MTERF4: variants seen among roughly 807,000 people sequenced by gnomAD.
MTERF4 encodes the protein mitochondrial transcription termination factor 4.
A neutral mutation model predicts 22.5 loss-of-function variants in MTERF4; 17 were observed. The observed-to-expected ratio is 0.75, with a 90% CI of 0.52 to 1.13. MTERF4 has a LOEUF of 1.13. MTERF4 is among the 50% of genes most tolerant of loss of function. MTERF4 has a pLI of 0.00. For synonymous variants in MTERF4, 165 were observed against 175.3 expected (o/e 0.94, Z 0.47); for missense variants, 420 against 466.8 (o/e 0.90, Z 0.92).
At chr2:241,056,739 C>T in the MTERF4 span, among the ~76,000 whole-genome samples, 32 of 151,882 alleles carry the variant, frequency 2.1e-4, no homozygotes, top group Non-Finnish European at 8.8e-5. Flanking sequence ...CATCACCACG[C>T]CCGGCTAATT....
intron 4 of MTERF4, among the ~76,000 whole-genome samples, chr2:241,078,619 G>C (rs76474602): frequency 0.018 from 2,757 of 151,750 alleles, 153 homozygotes; most frequent in African/African-American, 0.063. Flanking sequence ...TACATTAGCG[G>C]TTGCTCAGGA....
chr2:241,077,261 A>T (rs2063071287), intron 4 of MTERF4, among the ~76,000 whole-genome samples: 1 of 152,176 alleles, frequency 6.6e-6, no homozygotes, highest in South Asian at 2.1e-4. Context: ...ATACCTCATA[A>T]CACAAATTAC....
At chr2:241,094,990 C>G (rs2064304286), downstream of MTERF4, 1 of 150,856 alleles carries the variant, frequency 6.6e-6, no homozygotes, top group South Asian at 2.1e-4. The surrounding 1 kb of genome is among the most constrained non-coding windows in gnomAD (Gnocchi z 4.3). Context: ...CGGCTGACAT[C>G]AAATTCCTCT....
chr2:241,088,937 G>A (rs926971268), downstream of MTERF4: 3 of 215,522 alleles, frequency 1.4e-5, no homozygotes, highest in South Asian at 2.1e-4. Flanking sequence ...GTTGAAGACC[G>A]CCGCTAGAAA....
downstream of MTERF4, chr2:241,071,904 C>T (rs758878292): frequency 2.6e-6 from 4 of 1,559,758 alleles, no homozygotes; most frequent in Admixed American, 3.7e-5. Context: ...TCCCCACCCA[C>T]CTTGGTGGCC....
chr2:241,067,389 T>C (rs1301527848), downstream of MTERF4, among the ~76,000 whole-genome samples: 1 of 152,206 alleles, frequency 6.6e-6, no homozygotes, highest in Non-Finnish European at 1.5e-5. Context: ...TGTGTGCTCT[T>C]AGACCAAAAT....
exon 5 of MTERF4, chr2:241,072,916 C>G: frequency 3.1e-6 from 1 of 324,050 alleles, no homozygotes; most frequent in Non-Finnish European, 5.7e-6. Flanking sequence ...CTCCAAGAAG[C>G]AGGGGTGGAA....
chr2:241,068,898 C>T (rs1436126253), downstream of MTERF4: 1 of 1,532,470 alleles, frequency 6.5e-7, no homozygotes, highest in Non-Finnish European at 8.8e-7. The surrounding 1 kb of genome is among the most constrained non-coding windows in gnomAD (Gnocchi z 5.3). Context: ...TCTTTGTCAC[C>T]TCCTGCCCAC....
downstream of MTERF4, chr2:241,069,173 T>A: frequency 1.6e-6 from 1 of 610,428 alleles, no homozygotes; most frequent in Non-Finnish European, 2.8e-6. This position sits in a 1 kb window ranked among gnomAD's most constrained non-coding sequence, Gnocchi z 4.9. Context: ...CTGGGGCCAC[T>A]GGGCAGGAGC....
chr2:241,077,772 G>A (rs1161014722), intron 4 of MTERF4, among the ~76,000 whole-genome samples: 1 of 152,154 alleles, frequency 6.6e-6, no homozygotes, highest in Non-Finnish European at 1.5e-5. Flanking sequence ...TAGTCAGCAG[G>A]GAAATGCACA....
chr2:241,072,606 G>A (rs890636222), exon 5 of MTERF4: 1 of 266,252 alleles, frequency 3.8e-6, no homozygotes, highest in South Asian at 3.9e-5. Flanking sequence ...AATGCAGCAA[G>A]GAGAGTGGCA....
At chr2:241,050,060 G>T in the MTERF4 span, 1 of 748,104 alleles carries the variant, frequency 1.3e-6, no homozygotes. Context: ...AGCCTTGCCT[G>T]ATGTGCTGCT....
In MTERF4 at chr2:241,078,107, G is replaced by A. The variant is rs1053860669; in HGVS notation, n.480-2425C>T. Among the ~76,000 whole-genome samples, 6 of 152,238 alleles carry A rather than the reference G, an allele frequency of 3.9e-5. No homozygotes were observed. In the East Asian group the frequency reaches 7.7e-4, roughly 20 times the overall value. On this transcript the variant is annotated intron_variant and non_coding_transcript_variant, in intron 4 of 4. Coordinates refer to the MTERF4 transcript ENST00000464344. ...TCAACTAACGAAAGGAAAAGTGGCC[G>A]GGCGCGGTGGCTCACGCCTGTAATC...
chr2:241,068,841 C>A, downstream of MTERF4: 2 of 1,099,034 alleles, frequency 1.8e-6, no homozygotes, highest in Non-Finnish European at 2.6e-6. This position sits in a 1 kb window ranked among gnomAD's most constrained non-coding sequence, Gnocchi z 5.3. Flanking sequence ...GGGGGAGCTG[C>A]GGTCTGGCAG....
the MTERF4 span, chr2:241,051,704 G>A: frequency 1.4e-6 from 2 of 1,390,064 alleles, no homozygotes; most frequent in Non-Finnish European, 1.9e-6. This position sits in a 1 kb window ranked among gnomAD's most constrained non-coding sequence, Gnocchi z 4.7. Context: ...GGGGCCAGCA[G>A]CCTGGCCCCG....
chr2:241,047,708 G>A, the MTERF4 span, among the ~76,000 whole-genome samples: 1 of 152,250 alleles, frequency 6.6e-6, no homozygotes, highest in East Asian at 1.9e-4. Context: ...GCCCCTGGGT[G>A]GTCTCTCTGG....
chr2:241,101,684 A>G (rs568973374), intron 1 of MTERF4, among the ~76,000 whole-genome samples: 3 of 152,214 alleles, frequency 2.0e-5, no homozygotes, highest in Non-Finnish European at 4.4e-5. Flanking sequence ...AAGCCTAAAG[A>G]CCTCTATGCT....
intron 4 of MTERF4, among the ~76,000 whole-genome samples, chr2:241,080,840 T>A (rs2063293183): frequency 6.6e-6 from 1 of 152,234 alleles, no homozygotes; most frequent in African/African-American, 2.4e-5. Context: ...CACGCTGCCG[T>A]GCCTGTGTGG....
At chr2:241,087,694 G>C, downstream of MTERF4, 1 of 1,367,284 alleles carries the variant, frequency 7.3e-7, no homozygotes, top group Non-Finnish European at 9.4e-7. Context: ...GGCATGCTGG[G>C]TGCTGGGGGG....
Sources: allele counts gnomAD v4.1 joint callset (sites outside exome capture counted in the v4.1 genomes callset), GRCh38; gene constraint gnomAD v4.1.1; non-coding constraint Gnocchi (gnomAD v3.1); transcripts MANE v1.5; gene names NCBI Gene and HGNC (gene_info 2026-07-23, HGNC 2026-07-21).